FAM83B: variants seen among roughly 807,000 people sequenced by gnomAD.
The protein encoded by FAM83B is protein FAM83B.
A neutral mutation model predicts 38.8 loss-of-function variants in FAM83B; 26 were observed. The observed-to-expected ratio is 0.67, with a 90% CI of 0.49 to 0.93. The LOEUF (loss-of-function observed/expected upper bound fraction) is 0.93, where lower values mean the gene tolerates loss of function less well. Ranked by LOEUF, FAM83B falls within the 40% of genes least tolerant of loss-of-function variation. The probability of loss-of-function intolerance (pLI) is 0.00; values close to 1 mark genes in which losing one functional copy is unlikely to be tolerated. For synonymous variants in FAM83B, 419 were observed against 423.1 expected, an observed-to-expected ratio of 0.99 and a Z score of 0.12; for missense variants, 1,237 against 1,197.3, an observed-to-expected ratio of 1.03 and a Z score of -0.49.
chr6:54,913,458 A>G (rs1772961057), intron 2 of FAM83B, among the ~76,000 whole-genome samples: 1 of 152,078 alleles, frequency 6.6e-6, no homozygotes, highest in East Asian at 1.9e-4. Flanking sequence ...GAGGAAATAG[A>G]GGCTCAGAGA....
At chr6:54,923,995 T>C (rs1177085026) in intron 2 of FAM83B, among the ~76,000 whole-genome samples, 2 of 151,998 alleles carry the variant, frequency 1.3e-5, no homozygotes, top group Non-Finnish European at 2.9e-5. Flanking sequence ...TACTCTTTAC[T>C]GTAGCATTTC....
At position 54,939,834 on chromosome 6, in the gene FAM83B, A is replaced by C; in HGVS notation, c.863A>C (p.Gln288Pro). The change falls in exon 5 of 5, where the codon CAG becomes CCG. Residue 288 changes from glutamine (Q) to proline (P), a missense_variant. Gln to Pro is a moderately conservative substitution (Grantham distance 76). Coordinates refer to ENST00000306858, the MANE Select transcript of FAM83B (RefSeq NM_001010872.3). ...TCCTGTGTCCCTAGTTCATTTGCTC[A>C]GGAAGAATCAGCAAGGGTGAAGCAT... is the stretch of plus-strand genomic sequence containing the variant. ...ARSCVPSSFAQEESARVKHGK... is the reference protein window; with the variant it reads ...ARSCVPSSFAPEESARVKHGK... 6.2e-7 allele frequency: 1 copy of C among 1,614,038 alleles called. No individual in the cohort carries two copies. The highest frequency in any genetic ancestry group is 8.5e-7 in the Non-Finnish European group (1 of 1,179,968).
At chr6:54,927,662 A>G in intron 4 of FAM83B, 30 bp downstream of exon 4, 1 of 1,421,084 alleles carries the variant, frequency 7.0e-7, no homozygotes, top group South Asian at 1.6e-5. Context: ...CTTCAGTGTT[A>G]TCAATCGTTT....
intron 1 of FAM83B, among the ~76,000 whole-genome samples, chr6:54,858,469 T>G (rs2127572637): frequency 1.3e-5 from 2 of 152,336 alleles, no homozygotes; most frequent in South Asian, 2.1e-4. Flanking sequence ...AAATATAGAC[T>G]TCAGCTTCCC....
chr6:54,889,751 G>A (rs1287580207), intron 2 of FAM83B, among the ~76,000 whole-genome samples: 2 of 152,032 alleles, frequency 1.3e-5, no homozygotes, highest in Non-Finnish European at 2.9e-5. Flanking sequence ...GGATATATGT[G>A]TAGACTTTTC....
intron 1 of FAM83B, among the ~76,000 whole-genome samples, chr6:54,860,390 T>A (rs1771551471): frequency 6.6e-6 from 1 of 152,136 alleles, no homozygotes; most frequent in South Asian, 2.1e-4. Flanking sequence ...CCCTATGCAT[T>A]TGGCTCTTCC....
intron 2 of FAM83B, among the ~76,000 whole-genome samples, chr6:54,877,393 G>A (rs1166913009): frequency 1.3e-5 from 2 of 152,168 alleles, no homozygotes; most frequent in Non-Finnish European, 2.9e-5. Context: ...GCCTTTTTGA[G>A]ATGATGAGTG....
intron 2 of FAM83B, among the ~76,000 whole-genome samples, chr6:54,883,764 G>GTT (rs35604389): frequency 2.7e-5 from 4 of 149,482 alleles, no homozygotes; most frequent in African/African-American, 7.3e-5. Flanking sequence ...TCTGATAATG[G>GTT]TTTTTTTTTT....
At chr6:54,884,382 T>A (rs1174610370) in intron 2 of FAM83B, among the ~76,000 whole-genome samples, 1 of 148,262 alleles carries the variant, frequency 6.7e-6, no homozygotes. Context: ...CTTGGGAGGC[T>A]GAGTCATGAG....
intron 2 of FAM83B, among the ~76,000 whole-genome samples, chr6:54,871,336 G>T (rs1198383568): frequency 6.6e-6 from 1 of 151,770 alleles, no homozygotes. Context: ...AGCAACAAAA[G>T]TTATTAAGAG....
intron 2 of FAM83B, among the ~76,000 whole-genome samples, chr6:54,899,192 A>T (rs1287188307): frequency 1.3e-5 from 2 of 152,218 alleles, no homozygotes; most frequent in Non-Finnish European, 2.9e-5. Flanking sequence ...AGAGTTAGTC[A>T]TATAAATAGA....
intron 2 of FAM83B, among the ~76,000 whole-genome samples, chr6:54,912,772 G>A (rs1222723805): frequency 6.6e-6 from 1 of 151,930 alleles, no homozygotes; most frequent in African/African-American, 2.4e-5. Flanking sequence ...CCAAAGGTAT[G>A]CTGTCTTTCA....
At position 54,941,356 on chromosome 6, in the gene FAM83B, T is replaced by C. The variant is rs752428619; in HGVS notation, c.2385T>C (p.Pro795=). The change falls in exon 5 of 5, where the codon CCT becomes CCC. Residue 795 remains proline, a synonymous_variant. Coordinates refer to ENST00000306858, the MANE Select transcript of FAM83B (RefSeq NM_001010872.3). ...KKENLSKNKA[P]AFYRLCSSSD... Reference sequence around the variant, plus strand: ...AAAATCTATCCAAAAATAAAGCACCTGCCTTTTATAGATTGTGTAGTAGCT... The same window carrying C: ...AAAATCTATCCAAAAATAAAGCACCCGCCTTTTATAGATTGTGTAGTAGCT... The C allele has an allele frequency of 1.2e-6, 2 of 1,613,300 alleles. No homozygotes were observed. The highest frequency in any genetic ancestry group is 2.7e-5 in the African/African-American group (2 of 74,884).
intron 4 of FAM83B, among the ~76,000 whole-genome samples, chr6:54,936,064 A>G (rs765804578): frequency 6.6e-6 from 1 of 152,062 alleles, no homozygotes; most frequent in Admixed American, 6.6e-5. Context: ...GGCAATACGG[A>G]CTTCGGACTT....
chr6:54,866,616 A>G (rs1319893900), intron 1 of FAM83B, among the ~76,000 whole-genome samples: 1 of 152,084 alleles, frequency 6.6e-6, no homozygotes, highest in Non-Finnish European at 1.5e-5. Context: ...TTAGTAGGCC[A>G]TTTATTTTAC....
Position 54,940,508 on chromosome 6 carries a change from G to A in FAM83B, c.1537G>A (p.Gly513Arg). The A allele has an allele frequency of 1.9e-6, 3 of 1,614,048 alleles. No homozygotes were observed. The highest frequency in any genetic ancestry group is 2.5e-6 in the Non-Finnish European group (3 of 1,180,010). The stretch of plus-strand genomic sequence containing the variant: ...TTCAGAAGCTACACCGGACTCAAAT[G>A]GATCAGCTTTAGGTGACCGATTTGA... The part of the protein sequence containing the change: ...DHSEATPDSN[G>R]SALGDRFEGY... Residue 513 changes from glycine (G) to arginine (R), a missense_variant, in exon 5 of 5, where the codon GGA becomes AGA. Coordinates refer to ENST00000306858, the MANE Select transcript of FAM83B (RefSeq NM_001010872.3).
chr6:54,896,998 G>A (rs999658539), intron 2 of FAM83B, among the ~76,000 whole-genome samples: 5 of 152,132 alleles, frequency 3.3e-5, no homozygotes, highest in Non-Finnish European at 7.4e-5. Context: ...ACAATACTAT[G>A]AAAATACATT....
At chr6:54,913,635 T>G (rs1772967713) in intron 2 of FAM83B, among the ~76,000 whole-genome samples, 1 of 150,714 alleles carries the variant, frequency 6.6e-6, no homozygotes, top group African/African-American at 2.4e-5. Flanking sequence ...TATATACGAG[T>G]TAAAGAGAGA....
intron 2 of FAM83B, among the ~76,000 whole-genome samples, chr6:54,890,000 T>TA (rs1234795664): frequency 6.6e-6 from 1 of 152,044 alleles, no homozygotes; most frequent in African/African-American, 2.4e-5. Flanking sequence ...TAAACTTGTT[T>TA]AAAAAATATA....
Sources: allele counts gnomAD v4.1 joint callset (sites outside exome capture counted in the v4.1 genomes callset), GRCh38; gene constraint gnomAD v4.1.1; transcripts MANE v1.5; gene names NCBI Gene and HGNC (gene_info 2026-07-23, HGNC 2026-07-21).